The following GOLGA4 variants were observed in gnomAD, a reference collection of about 807,000 sequenced individuals.
The protein encoded by GOLGA4 is golgin A4.
Under a neutral mutation model 265.9 loss-of-function variants are expected in GOLGA4, and 169 were observed. The observed-to-expected ratio is 0.64, with a 90% CI of 0.56 to 0.72. The LOEUF is 0.72. GOLGA4 is among the 30% of genes least tolerant of loss of function. The pLI is 0.00. For missense variants in GOLGA4, 2,482 were observed against 2,483.4 expected (o/e 1.00, Z 0.01); for synonymous variants, 923 against 855.8 (o/e 1.08, Z -1.37).
intron 11 of GOLGA4, 123 bp from the exon 12 acceptor site, chr3:37,318,940 G>C (rs1409591841): frequency 4.8e-6 from 3 of 625,680 alleles, no homozygotes; most frequent in Non-Finnish European, 8.1e-6. Context: ...TTTTCTCTTA[G>C]GAATGTGATT....
At chr3:37,318,023 A>G (rs2096942786) in intron 11 of GOLGA4, among the ~76,000 whole-genome samples, 1 of 151,788 alleles carries the variant, frequency 6.6e-6, no homozygotes, top group Admixed American at 6.6e-5. Flanking sequence ...TCAGTTTTTA[A>G]AAATTTGATT....
At chr3:37,277,464 T>A (rs1414064793) in intron 2 of GOLGA4, among the ~76,000 whole-genome samples, 2 of 152,218 alleles carry the variant, frequency 1.3e-5, no homozygotes, top group Non-Finnish European at 2.9e-5. Context: ...GTAGTATAGC[T>A]ATTGTAAACA....
At chr3:37,353,800 C>T (rs543395833) in intron 21 of GOLGA4, among the ~76,000 whole-genome samples, 1 of 152,084 alleles carries the variant, frequency 6.6e-6, no homozygotes, top group East Asian at 1.9e-4. Flanking sequence ...CTATGTTTCC[C>T]AGGCTAGTCT....
At chr3:37,306,021 ATGAT>A (rs1037442760) in intron 10 of GOLGA4, among the ~76,000 whole-genome samples, 4 of 152,192 alleles carry the variant, frequency 2.6e-5, no homozygotes, top group African/African-American at 9.6e-5. Context: ...TTTAAACAGA[ATGAT>A]TGTTTATTTT....
chr3:37,267,200 C>G (rs904082026), intron 2 of GOLGA4, among the ~76,000 whole-genome samples: 1 of 152,144 alleles, frequency 6.6e-6, no homozygotes, highest in Non-Finnish European at 1.5e-5. Flanking sequence ...AAGCTACCTT[C>G]GCTTACTCTA....
intron 10 of GOLGA4, among the ~76,000 whole-genome samples, chr3:37,313,212 A>G (rs1442450677): frequency 6.6e-6 from 1 of 152,188 alleles, no homozygotes; most frequent in Non-Finnish European, 1.5e-5. Context: ...CAAAAGAAAA[A>G]AAAAGATATA....
At chr3:37,299,452 G>T in intron 9 of GOLGA4, 81 bp downstream of exon 9, 1 of 791,388 alleles carries the variant, frequency 1.3e-6, no homozygotes, top group Non-Finnish European at 2.1e-6. Flanking sequence ...AAACATTCAT[G>T]CTTGTTTCTG....
chr3:37,321,994 GTATACA>G, intron 13 of GOLGA4, 108 bp downstream of exon 13: 1 of 846,990 alleles, frequency 1.2e-6, no homozygotes. Flanking sequence ...TTAGATTTAT[GTATACA>G]TGCCCTTCAT....
At chr3:37,294,880 G>C (rs1009595501) in intron 5 of GOLGA4, 99 bp from the exon 6 acceptor site, 1 of 659,566 alleles carries the variant, frequency 1.5e-6, no homozygotes, top group African/African-American at 1.9e-5. Context: ...GATACCTTAA[G>C]GGGAATGCAA....
At chr3:37,276,582 G>T (rs1367018413) in intron 2 of GOLGA4, 3 of 1,589,362 alleles carry the variant, frequency 1.9e-6, no homozygotes, top group Admixed American at 1.7e-5. Flanking sequence ...TGTGGAAATC[G>T]ATGGAAGTTC....
intron 2 of GOLGA4, among the ~76,000 whole-genome samples, chr3:37,258,634 G>T (rs1450446386): frequency 1.3e-5 from 2 of 152,090 alleles, no homozygotes; most frequent in Admixed American, 6.6e-5. Context: ...GGCCCCAGTT[G>T]TTGAGAATTC....
chr3:37,274,030 G>A (rs2096806260), intron 2 of GOLGA4, among the ~76,000 whole-genome samples: 1 of 149,746 alleles, frequency 6.7e-6, no homozygotes, highest in African/African-American at 2.5e-5. Context: ...AACCCAGGAG[G>A]CATACGTTGT....
intron 3 of GOLGA4, among the ~76,000 whole-genome samples, chr3:37,284,605 G>A (rs185439729): frequency 6.6e-6 from 1 of 151,180 alleles, no homozygotes; most frequent in Non-Finnish European, 1.5e-5. Context: ...GAGATTCCTG[G>A]TCTTAGGCAG....
In GOLGA4 at chr3:37,342,236, C is replaced by T. The variant is rs138336409; in HGVS notation, c.6472+2037C>T. Among the ~76,000 whole-genome samples the T allele has an allele frequency of 4.0e-3, 602 of 152,144 alleles. 1 individual carries two copies. Among genetic ancestry groups the T allele is most frequent in the Non-Finnish European group, 6.3e-3 (430 of 67,988 alleles). ...GCGTACACCTGTAATCTCAGCTACT[C>T]GGGAAGCTGAGGCAGGAGAATCGCT... On this transcript the variant is annotated intron_variant, in intron 20 of 23. Transcript: ENST00000361924.
chr3:37,255,105 A>T (rs972119137), intron 2 of GOLGA4, among the ~76,000 whole-genome samples: 4 of 151,694 alleles, frequency 2.6e-5, no homozygotes, highest in African/African-American at 9.7e-5. Context: ...TTATCTTTAG[A>T]CTCAGTGCAA....
chr3:37,262,389 C>T (rs13314122), intron 2 of GOLGA4, among the ~76,000 whole-genome samples: 2,271 of 151,878 alleles, frequency 0.015, 51 homozygotes, highest in African/African-American at 0.052. Context: ...ACCTGTTATC[C>T]CAGCTACTCG....
At chr3:37,340,063 C>T in intron 19 of GOLGA4, 61 bp from the exon 20 acceptor site, 2 of 723,724 alleles carry the variant, frequency 2.8e-6, no homozygotes, top group East Asian at 2.8e-5. Context: ...AGCAATCTTT[C>T]TTTTTCTTAC....
intron 12 of GOLGA4, among the ~76,000 whole-genome samples, chr3:37,320,695 A>C (rs1375739340): frequency 1.3e-5 from 2 of 152,218 alleles, no homozygotes; most frequent in African/African-American, 4.8e-5. Context: ...ATAGTGCTAA[A>C]AATGCCTGTC....
chr3:37,324,667 C>T lies in GOLGA4; in HGVS notation c.2781C>T (p.Leu927=). 1 of 1,612,334 alleles carries T rather than the reference C, an allele frequency of 6.2e-7. No homozygotes were observed. Among genetic ancestry groups the T allele is most frequent in the South Asian group, 1.1e-5 (1 of 90,840 alleles). ...REGQKKEIEI[L]TQKLSAKEDS... The stretch of plus-strand genomic sequence containing the variant: ...GACAGAAGAAAGAAATTGAGATACT[C>T]ACACAGAAATTGTCAGCCAAGGAGG... Residue 927 remains leucine, a synonymous_variant, in exon 14 of 24, where the codon CTC becomes CTT. Coordinates refer to ENST00000361924, the MANE Select transcript of GOLGA4 (RefSeq NM_002078.5).
Sources: allele counts gnomAD v4.1 joint callset (sites outside exome capture counted in the v4.1 genomes callset), GRCh38; gene constraint gnomAD v4.1.1; transcripts MANE v1.5; gene names NCBI Gene and HGNC (gene_info 2026-07-23, HGNC 2026-07-21).